Variants in KANK1 observed in about 807,000 individuals in gnomAD.
KANK1 encodes KN motif and ankyrin repeat domain-containing protein 1.
A neutral mutation model predicts 106.2 loss-of-function variants in KANK1; 109 were observed. That is an observed-to-expected ratio of 1.03 (90% CI 0.88 to 1.20). KANK1 has a LOEUF of 1.20. Ranked by LOEUF, KANK1 falls within the 50% of genes most tolerant of loss-of-function variation. The probability of loss-of-function intolerance (pLI) is 0.00; values close to 1 mark genes in which losing one functional copy is unlikely to be tolerated. For synonymous variants in KANK1, 873 were observed against 652.2 expected (o/e 1.34, Z -5.16); for missense variants, 2,399 against 1,710.7 (o/e 1.40, Z -7.10).
chr9:492,249 T>C (rs923949028), intron 3 of KANK1: 2 of 152,246 alleles, frequency 1.3e-5, no homozygotes, highest in African/African-American at 4.8e-5. Flanking sequence ...TCTGTGACTG[T>C]AGGGAAATCC....
chr9:636,507 C>T (rs1176101173), intron 1 of KANK1, among the ~76,000 whole-genome samples: 1 of 152,114 alleles, frequency 6.6e-6, no homozygotes, highest in Non-Finnish European at 1.5e-5. Flanking sequence ...CAGTCAGTTC[C>T]CATCAACAGA....
At chr9:636,643 G>A (rs577471797) in intron 1 of KANK1, among the ~76,000 whole-genome samples, 3 of 152,298 alleles carry the variant, frequency 2.0e-5, no homozygotes, top group Admixed American at 6.5e-5. Context: ...CAAGGCAGGC[G>A]GATCACGAGG....
intron 1 of KANK1, among the ~76,000 whole-genome samples, chr9:663,961 C>T (rs994190494): frequency 6.6e-6 from 1 of 152,026 alleles, no homozygotes; most frequent in South Asian, 2.1e-4. Flanking sequence ...CAAATAAGGT[C>T]GTATGGTTTG....
intron 1 of KANK1, among the ~76,000 whole-genome samples, chr9:632,806 C>G (rs965825686): frequency 2.0e-5 from 3 of 152,096 alleles, no homozygotes; most frequent in Non-Finnish European, 4.4e-5. Context: ...TCTCCTGCCT[C>G]TGCCATTCGA....
At chr9:523,232 C>A (rs1249201646) in intron 1 of KANK1, among the ~76,000 whole-genome samples, 1 of 151,656 alleles carries the variant, frequency 6.6e-6, no homozygotes, top group Non-Finnish European at 1.5e-5. Context: ...CTTATTTCCC[C>A]CAAACTCCTT....
chr9:712,182 A>T lies in KANK1; in HGVS notation c.1416A>T (p.Leu472=), dbSNP rs758380395. The T allele has an allele frequency of 6.2e-7, 1 of 1,614,070 alleles. No homozygotes were observed. Among genetic ancestry groups the T allele is most frequent in the Non-Finnish European group, 8.5e-7 (1 of 1,180,050 alleles). ...IESLKEKIYR[L]EVQLRETTHD... ...CCTTGAAGGAAAAGATCTATCGCCT[A>T]GAAGTACAGCTTAGAGAAACCACCC... The change falls in exon 3 of 12, where the codon CTA becomes CTT. Residue 472 remains leucine (L), a synonymous_variant. Transcript: ENST00000382297.
chr9:506,612 T>C (rs2058770662), intron 1 of KANK1, among the ~76,000 whole-genome samples: 1 of 152,152 alleles, frequency 6.6e-6, no homozygotes, highest in South Asian at 2.1e-4. Context: ...AAAGTAATTT[T>C]TTAAAATATC....
At chr9:727,702 GTGTGTGTGTGTGTGTA>G (rs1564092649) in intron 3 of KANK1, among the ~76,000 whole-genome samples, 7 of 151,724 alleles carry the variant, frequency 4.6e-5, no homozygotes, top group South Asian at 2.1e-4. Context: ...GTGTGTGTGT[GTGTGTGTGTGTGTGTA>G]TGTGTGTGTG....
intron 1 of KANK1, among the ~76,000 whole-genome samples, chr9:557,611 A>T (rs1284827420): frequency 6.6e-6 from 1 of 152,224 alleles, no homozygotes; most frequent in Non-Finnish European, 1.5e-5. Context: ...ATATGATCTC[A>T]TGGCCACAGA....
chr9:587,078 C>G (rs1823672683), intron 1 of KANK1, among the ~76,000 whole-genome samples: 1 of 152,182 alleles, frequency 6.6e-6, no homozygotes, highest in Non-Finnish European at 1.5e-5. Flanking sequence ...TTTGATCACA[C>G]TAGGAAATTG....
At position 740,823 on chromosome 9, in the gene KANK1, A is replaced by T. The variant is rs760109026; in HGVS notation, c.3585A>T (p.Ala1195=). ...DVCNVDHQNK[A]GYTPIMLAAL... The stretch of plus-strand genomic sequence containing the variant: ...GTAATGTGGATCACCAGAACAAGGC[A>T]GGCTACACCCCCATCATGTTGGCGG... The change falls in exon 9 of 12, where the codon GCA becomes GCT. Residue 1195 remains alanine, a synonymous_variant. Coordinates refer to ENST00000382297, the MANE Select transcript of KANK1 (RefSeq NM_015158.5). The T allele has an allele frequency of 1.4e-5, 23 of 1,613,270 alleles. No homozygotes were observed. The highest frequency in any genetic ancestry group is 2.2e-5 in the East Asian group (1 of 44,838).
At position 606,174 on chromosome 9, in the gene KANK1, C is replaced by CAA. The variant is rs1170285658; in HGVS notation, c.-83-70715_-83-70714insAA. Among the ~76,000 whole-genome samples, 347 of 145,952 alleles carry CAA rather than the reference C, an allele frequency of 2.4e-3. 26 individuals carry two copies. The highest frequency in any genetic ancestry group is 8.8e-3 in the African/African-American group (332 of 37,910). ...ACACACACACACACACACACACACA[C>CAA]ACACACACCACTCACACATATATAC... On this transcript the variant is annotated intron_variant, in intron 1 of 11. Coordinates refer to ENST00000382297, the MANE Select transcript of KANK1 (RefSeq NM_015158.5).
At chr9:669,489 A>G (rs1412736358) in intron 1 of KANK1, among the ~76,000 whole-genome samples, 1 of 150,640 alleles carries the variant, frequency 6.6e-6, no homozygotes, top group African/African-American at 2.4e-5. Context: ...TGCTGGATAA[A>G]GTATTTGAGG....
Position 742,379 on chromosome 9 carries a change from G to A in KANK1, c.3871G>A (p.Gly1291Ser), listed in dbSNP as rs764155090. 75 of 1,613,634 alleles carry A rather than the reference G, an allele frequency of 4.6e-5. No homozygotes were observed. Among genetic ancestry groups the A allele is most frequent in the Admixed American group, 4.2e-4 (25 of 59,974 alleles). ...TGTCAAGCTGCTGCTGGCCCAGCCC[G>A]GCTGCAACGGTCACCTAGAGGACAA... Reference protein sequence around the residue: ...EIVKLLLAQPGCNGHLEDNDG... With the variant: ...EIVKLLLAQPSCNGHLEDNDG... Residue 1291 changes from glycine (G) to serine (S), a missense_variant, in exon 10 of 12, where the codon GGC becomes AGC. Gly to Ser is a moderately conservative substitution (Grantham distance 56). Coordinates refer to ENST00000382297, the MANE Select transcript of KANK1 (RefSeq NM_015158.5).
At position 744,819 on chromosome 9, in the gene KANK1, G is replaced by A. The variant is rs866735375; in HGVS notation, c.3996+230G>A. On this transcript the variant is annotated intron_variant, in intron 11 of 11. Coordinates refer to ENST00000382297, the MANE Select transcript of KANK1 (RefSeq NM_015158.5). ...TGTCCTTGCAAGACATATGCTCACA[G>A]CTTCCCATAGAGGTTTTGATTCTGT... is the stretch of plus-strand genomic sequence containing the variant. 4.1e-5 allele frequency: 59 copies of A among 1,432,264 alleles called. 2 individuals carry two copies. In the South Asian group the frequency reaches 8.3e-4, roughly 20 times the overall value. The allele number at this position is 1,432,264 out of a possible 1,614,324, so 88.7% of individuals were successfully genotyped here. A position where few individuals can be genotyped will look rare whatever the true frequency, so the allele number is the denominator to read the frequency against.
chr9:507,637 A>T (rs1273279881), intron 1 of KANK1, among the ~76,000 whole-genome samples: 1 of 149,588 alleles, frequency 6.7e-6, no homozygotes, highest in African/African-American at 2.5e-5. Flanking sequence ...GCTCACTGCA[A>T]CCTCCGCCTC....
At chr9:489,683 T>C (rs2058346716) in intron 3 of KANK1, among the ~76,000 whole-genome samples, 1 of 152,194 alleles carries the variant, frequency 6.6e-6, no homozygotes, top group Non-Finnish European at 1.5e-5. Context: ...TTAGAGATAA[T>C]AGAGGTAAGA....
At position 519,897 on chromosome 9, in the gene KANK1, T is replaced by C. The variant is rs74960756; in HGVS notation, c.-84+15143T>C. ...CTTAATGATCATTCATTCCATTCCA[T>C]TGATCATTAAAACAGCTTTAAAAAT... On this transcript the variant is annotated intron_variant, in intron 1 of 11. Transcript: ENST00000382297. Among the ~76,000 whole-genome samples the C allele has an allele frequency of 9.8e-3, 1,494 of 151,942 alleles. 77 individuals are homozygous for C. The highest frequency in any genetic ancestry group is 0.035 in the African/African-American group (1,445 of 41,194).
chr9:577,898 TAGG>T (rs1821001122), intron 1 of KANK1, among the ~76,000 whole-genome samples: 1 of 152,188 alleles, frequency 6.6e-6, no homozygotes, highest in African/African-American at 2.4e-5. Context: ...ACTTTGGGAA[TAGG>T]AGCACCCTGA....
Sources: gnomAD v4.1 joint callset for allele counts (sites outside exome capture counted in the v4.1 genomes callset) on GRCh38, gnomAD v4.1.1 for gene constraint, MANE v1.5 for transcripts, NCBI Gene and HGNC (gene_info 2026-07-23, HGNC 2026-07-21) for gene names.